SLC7A14: variants seen among roughly 807,000 people sequenced by gnomAD.
SLC7A14 encodes the protein solute carrier family 7 member 14.
In SLC7A14, 37 loss-of-function variants were observed where a neutral mutation model predicts 60.2. That is an observed-to-expected ratio of 0.61 (90% confidence interval 0.47 to 0.81). SLC7A14 has a LOEUF of 0.81. Ranked by LOEUF, SLC7A14 falls within the 30% of genes least tolerant of loss-of-function variation. The probability of loss-of-function intolerance (pLI) is 0.00; values close to 1 mark genes in which losing one functional copy is unlikely to be tolerated. For missense variants in SLC7A14, 886 were observed against 982.7 expected, an observed-to-expected ratio of 0.90 and a Z score of 1.32; for synonymous variants, 399 against 395.8, an observed-to-expected ratio of 1.01 and a Z score of -0.10.
chr3:170,534,514 A>G (rs1713778853), intron 1 of SLC7A14, among the ~76,000 whole-genome samples: 2 of 152,154 alleles, frequency 1.3e-5, no homozygotes, highest in African/African-American at 4.8e-5. Context: ...TTTTGATGAT[A>G]TGTCACTGAT....
intron 6 of SLC7A14, among the ~76,000 whole-genome samples, chr3:170,481,969 G>A (rs1376981300): frequency 6.6e-6 from 1 of 152,156 alleles, no homozygotes; most frequent in Admixed American, 6.5e-5. Flanking sequence ...TCATAGTAGG[G>A]TGAGGCCTAG....
intron 2 of SLC7A14, among the ~76,000 whole-genome samples, chr3:170,504,209 C>T (rs1712698819): frequency 6.6e-6 from 1 of 152,094 alleles, no homozygotes; most frequent in Non-Finnish European, 1.5e-5. Flanking sequence ...AAAATGTTCT[C>T]ATTCAACTAT....
chr3:170,549,618 A>T (rs1402500339), intron 1 of SLC7A14, among the ~76,000 whole-genome samples: 1 of 152,170 alleles, frequency 6.6e-6, no homozygotes, highest in South Asian at 2.1e-4. Context: ...CCAGTGTGAC[A>T]CTTATGACCG....
rs60682275 is a variant in SLC7A14, at chr3:170,470,308, A to ATGTGTGTGTGTGTGTGTGTG, written c.1994-2951_1994-2932dup. Among the ~76,000 whole-genome samples, 407 of 143,682 alleles carry ATGTGTGTGTGTGTGTGTGTG rather than the reference A, an allele frequency of 2.8e-3. 5 individuals are homozygous for ATGTGTGTGTGTGTGTGTGTG. Among genetic ancestry groups the ATGTGTGTGTGTGTGTGTGTG allele is most frequent in the African/African-American group, 6.7e-3 (258 of 38,764 alleles). 94.3% of individuals were successfully genotyped at this position (143,682 alleles called of 152,430 possible). On this transcript the variant is annotated intron_variant, in intron 7 of 7. Transcript: ENST00000231706. Reference sequence around the variant, plus strand: ...GGGAGTGGCCAGGCCTGGAAGGAACATGTGTGTGTGTGTGTGTGTGTGTGT... The same window carrying ATGTGTGTGTGTGTGTGTGTG: ...GGGAGTGGCCAGGCCTGGAAGGAACATGTGTGTGTGTGTGTGTGTGTGTGTGTGTGTGTGTGTGTGTGTGT...
intron 2 of SLC7A14, among the ~76,000 whole-genome samples, chr3:170,526,381 G>C (rs150087715): frequency 1.3e-5 from 2 of 150,454 alleles, no homozygotes; most frequent in African/African-American, 4.9e-5. Context: ...CAGCCTGGGC[G>C]ACAGAGCAAG....
chr3:170,497,358 T>G (rs1712439398), intron 4 of SLC7A14, among the ~76,000 whole-genome samples: 1 of 152,244 alleles, frequency 6.6e-6, no homozygotes, highest in South Asian at 2.1e-4. Context: ...GGAATTCTTA[T>G]AGATAAGGAG....
chr3:170,518,917 A>G (rs1713252110), intron 2 of SLC7A14, among the ~76,000 whole-genome samples: 1 of 152,198 alleles, frequency 6.6e-6, no homozygotes, highest in Non-Finnish European at 1.5e-5. Context: ...AGTGTCCTAT[A>G]TTCAAGTGTG....
intron 1 of SLC7A14, among the ~76,000 whole-genome samples, chr3:170,533,145 G>A (rs1446719885): frequency 4.6e-5 from 7 of 152,118 alleles, no homozygotes; most frequent in African/African-American, 1.4e-4. Flanking sequence ...CTTTGATGGT[G>A]GATCCTCTCC....
chr3:170,578,000 G>T (rs1228937649), intron 1 of SLC7A14, among the ~76,000 whole-genome samples: 1 of 152,194 alleles, frequency 6.6e-6, no homozygotes, highest in Non-Finnish European at 1.5e-5. Flanking sequence ...ATGACACTCT[G>T]GGAGCTCTCC....
intron 2 of SLC7A14, among the ~76,000 whole-genome samples, chr3:170,526,006 G>A (rs146449824): frequency 6.6e-6 from 1 of 152,054 alleles, no homozygotes; most frequent in African/African-American, 2.4e-5. Flanking sequence ...GAACCCGGGA[G>A]GTGGAGGTTG....
chr3:170,557,267 TG>T (rs1337878348), intron 1 of SLC7A14, among the ~76,000 whole-genome samples: 3 of 152,182 alleles, frequency 2.0e-5, no homozygotes, highest in Non-Finnish European at 4.4e-5. Flanking sequence ...GGCCATCCTT[TG>T]GAATGTGGAG....
At chr3:170,573,189 C>T (rs948299362) in intron 1 of SLC7A14, among the ~76,000 whole-genome samples, 2 of 152,126 alleles carry the variant, frequency 1.3e-5, no homozygotes, top group East Asian at 1.9e-4. Context: ...ATGACACAAA[C>T]AGAATTAGCA....
chr3:170,539,527 CTTAT>C (rs1433116795), intron 1 of SLC7A14, among the ~76,000 whole-genome samples: 2 of 152,088 alleles, frequency 1.3e-5, no homozygotes, highest in African/African-American at 4.8e-5. Flanking sequence ...CACTTATTTA[CTTAT>C]TTATTTAGTT....
chr3:170,539,828 T>A (rs922182260), intron 1 of SLC7A14, among the ~76,000 whole-genome samples: 21 of 152,236 alleles, frequency 1.4e-4, no homozygotes, highest in African/African-American at 5.1e-4. Context: ...TTAAAGTTTT[T>A]TCCTATATGT....
intron 7 of SLC7A14, among the ~76,000 whole-genome samples, chr3:170,468,106 T>C (rs981178310): frequency 1.3e-5 from 2 of 152,170 alleles, no homozygotes. Context: ...CACTTAATGT[T>C]TGTTGAATGA....
chr3:170,546,592 A>G (rs934358799), intron 1 of SLC7A14, among the ~76,000 whole-genome samples: 2 of 152,196 alleles, frequency 1.3e-5, no homozygotes, highest in African/African-American at 4.8e-5. Context: ...GAAACCTAGC[A>G]TTGTACTTTT....
At chr3:170,520,817 C>G (rs1713319251) in intron 2 of SLC7A14, among the ~76,000 whole-genome samples, 1 of 152,182 alleles carries the variant, frequency 6.6e-6, no homozygotes, top group South Asian at 2.1e-4. Flanking sequence ...TAATCTGCCT[C>G]TCTTCCACTA....
At chr3:170,559,485 A>G (rs1041476091) in intron 1 of SLC7A14, among the ~76,000 whole-genome samples, 1 of 152,188 alleles carries the variant, frequency 6.6e-6, no homozygotes, top group Non-Finnish European at 1.5e-5. Context: ...TAGTTTTAAA[A>G]TATTTTTATA....
intron 4 of SLC7A14, among the ~76,000 whole-genome samples, chr3:170,493,327 G>T (rs1488346872): frequency 6.6e-6 from 1 of 152,228 alleles, no homozygotes; most frequent in Non-Finnish European, 1.5e-5. Flanking sequence ...TTGGAAGGAA[G>T]TGTTTGGAGC....
Sources: allele counts gnomAD v4.1 joint callset (sites outside exome capture counted in the v4.1 genomes callset), GRCh38; gene constraint gnomAD v4.1.1; transcripts MANE v1.5; gene names NCBI Gene and HGNC (gene_info 2026-07-23, HGNC 2026-07-21).